Variants in SLC7A11 observed in about 807,000 individuals in gnomAD.
The protein encoded by SLC7A11 is solute carrier family 7 member 11, also known as cystine/glutamate transporter.
Under a neutral mutation model 54.5 loss-of-function variants are expected in SLC7A11, and 35 were observed. The observed-to-expected ratio is 0.64, with a 90% confidence interval of 0.49 to 0.85. The LOEUF is 0.85. Among genes scored for constraint, SLC7A11 ranks in the 40% least tolerant of loss-of-function variants. The pLI, the probability that SLC7A11 is intolerant of heterozygous loss-of-function variation, is 0.00. For synonymous variants in SLC7A11, 230 were observed against 225.2 expected (o/e 1.02, Z -0.19); for missense variants, 583 against 618.1 (o/e 0.94, Z 0.60).
intron 11 of SLC7A11, among the ~76,000 whole-genome samples, chr4:138,178,953 G>A (rs1736649269): frequency 6.6e-6 from 1 of 152,114 alleles, no homozygotes; most frequent in Middle Eastern, 3.2e-3. Context: ...GTCGATTAGA[G>A]AACTACTGAT....
At chr4:138,176,114 T>C (rs1736564853) in intron 11 of SLC7A11, 1 of 152,126 alleles carries the variant, frequency 6.6e-6, no homozygotes, top group African/African-American at 2.4e-5. Context: ...GTGAGTGTTT[T>C]GTTTTGGCCA....
rs1314533243 is a variant in SLC7A11, at chr4:138,182,295, A to G, written c.1116+2T>C. On this transcript the variant is annotated splice_donor_variant, in intron 9 of 11. Transcript: ENST00000280612. LOFTEE classifies it high-confidence loss of function. ...CTAGATATACTTGTTAATATGCATT[A>G]CCAAAACAATAACAGCTGGTAGAGG... 3 of 1,586,852 alleles carry G rather than the reference A, an allele frequency of 1.9e-6. No individual in the cohort carries two copies. In the African/African-American group the frequency reaches 4.0e-5, roughly 21 times the overall value.
intron 6 of SLC7A11, among the ~76,000 whole-genome samples, chr4:138,210,086 G>T (rs1484019473): frequency 6.6e-6 from 1 of 151,714 alleles, no homozygotes; most frequent in African/African-American, 2.4e-5. Flanking sequence ...CAGAAATAAA[G>T]TCACACACCT....
At chr4:138,212,331 C>T (rs922915256) in intron 6 of SLC7A11, among the ~76,000 whole-genome samples, 2 of 151,706 alleles carry the variant, frequency 1.3e-5, no homozygotes, top group Admixed American at 6.6e-5. Context: ...TTACCTTGCT[C>T]TAATAAAGTA....
In SLC7A11 at chr4:138,167,991, G is replaced by C. The variant is rs1275442378; in HGVS notation, c.*3965C>G. On this transcript the variant is annotated 3_prime_UTR_variant, in exon 12 of 12. Transcript: ENST00000280612. ...ATCACATCATATATATTGTGAGAAA[G>C]TCACTTGTTATATATGGATATTTCA... 1.3e-5 allele frequency: 2 copies of C among 152,068 alleles called. No homozygotes were observed. The highest frequency in any genetic ancestry group is 4.8e-5 in the African/African-American group (2 of 41,406). 9.4% of individuals were successfully genotyped at this position (152,068 alleles called of 1,614,324 possible). A position where few individuals can be genotyped will look rare whatever the true frequency, so the allele number is the denominator to read the frequency against.
In SLC7A11 at chr4:138,167,217, T is replaced by C. The variant is rs1736287059; in HGVS notation, c.*4739A>G. 6.8e-6 allele frequency: 1 copy of C among 146,248 alleles called. No individual in the cohort carries two copies. The highest frequency in any genetic ancestry group is 2.2e-4 in the South Asian group (1 of 4,568). 9.1% of individuals were successfully genotyped at this position (146,248 alleles called of 1,614,324 possible). ...CCTAGGCTGGAGTGCAATGATGCGA[T>C]CTTGGCTAACTGCAGCTTCTGCCCC... On this transcript the variant is annotated 3_prime_UTR_variant, in exon 12 of 12. Coordinates refer to ENST00000280612, the MANE Select transcript of SLC7A11 (RefSeq NM_014331.4).
At chr4:138,195,227 G>T (rs191165404) in intron 6 of SLC7A11, among the ~76,000 whole-genome samples, 4 of 152,288 alleles carry the variant, frequency 2.6e-5, no homozygotes, top group East Asian at 1.9e-4. Context: ...CCTCTGGACG[G>T]TCACATACAT....
intron 3 of SLC7A11, among the ~76,000 whole-genome samples, chr4:138,225,962 CTA>C (rs1737938509): frequency 6.6e-6 from 1 of 151,904 alleles, no homozygotes; most frequent in African/African-American, 2.4e-5. Flanking sequence ...GAACAACTAA[CTA>C]TATGTTTGAA....
rs1736325755 is a variant in SLC7A11, at chr4:138,168,488, T to C, written c.*3468A>G. The C allele has an allele frequency of 6.6e-6, 1 of 152,186 alleles. No individual in the cohort carries two copies. The allele number at this position is 152,186 out of a possible 1,614,324, so 9.4% of individuals were successfully genotyped here. A position where few individuals can be genotyped will look rare whatever the true frequency, so the allele number is the denominator to read the frequency against. On this transcript the variant is annotated 3_prime_UTR_variant, in exon 12 of 12. Transcript: ENST00000280612. Reference sequence around the variant, plus strand: ...CAGTATATTCATCTGCAAATCAAGATAAAATAATGATTTTCCTGTAGACTG... The same window carrying C: ...CAGTATATTCATCTGCAAATCAAGACAAAATAATGATTTTCCTGTAGACTG...
intron 11 of SLC7A11, among the ~76,000 whole-genome samples, chr4:138,172,588 C>A (rs960825296): frequency 6.6e-6 from 1 of 152,142 alleles, no homozygotes; most frequent in South Asian, 2.1e-4. Context: ...AGAAATGCAT[C>A]TTTTCAAGCT....
Position 138,242,097 on chromosome 4 carries a change from A to G in SLC7A11, c.-28T>C, listed in dbSNP as rs746584616. 3 of 1,606,626 alleles carry G rather than the reference A, an allele frequency of 1.9e-6. No individual in the cohort carries two copies. The highest frequency in any genetic ancestry group is 2.2e-5 in the South Asian group (2 of 90,564). ...TAGGGACACACGGGGGAAAAATAAA[A>G]CAGAGGGAAAGAAAACAAAACTTTC... On this transcript the variant is annotated 5_prime_UTR_variant, in exon 1 of 12. Transcript: ENST00000280612.
chr4:138,168,960 T>C lies in SLC7A11; in HGVS notation c.*2996A>G, dbSNP rs1736339232. On this transcript the variant is annotated 3_prime_UTR_variant, in exon 12 of 12. Coordinates refer to ENST00000280612, the MANE Select transcript of SLC7A11 (RefSeq NM_014331.4). The stretch of plus-strand genomic sequence containing the variant: ...ATTTATAATTGTGTAAGGAGAATCA[T>C]TCTTTTTAAAATCAAGTTGTGTTTT... 1 of 152,204 alleles carries C rather than the reference T, an allele frequency of 6.6e-6. No individual in the cohort carries two copies. Among genetic ancestry groups the C allele is most frequent in the Non-Finnish European group, 1.5e-5 (1 of 68,038 alleles). 9.4% of individuals were successfully genotyped at this position (152,204 alleles called of 1,614,324 possible).
chr4:138,229,449 A>G (rs1397823197), intron 3 of SLC7A11, among the ~76,000 whole-genome samples: 1 of 152,202 alleles, frequency 6.6e-6, no homozygotes, highest in Non-Finnish European at 1.5e-5. Flanking sequence ...ATGGGTACAC[A>G]TTTCTTTCTC....
chr4:138,226,670 T>C (rs1038740116), intron 3 of SLC7A11, among the ~76,000 whole-genome samples: 1 of 152,178 alleles, frequency 6.6e-6, no homozygotes, highest in African/African-American at 2.4e-5. Flanking sequence ...TCCAACAATA[T>C]TGAAAAGGGA....
At chr4:138,209,932 G>A (rs1244546359) in intron 6 of SLC7A11, among the ~76,000 whole-genome samples, 1 of 151,538 alleles carries the variant, frequency 6.6e-6, no homozygotes, top group Admixed American at 6.6e-5. Context: ...GCCTAAATAG[G>A]CAAAGCAACC....
chr4:138,198,063 T>C (rs1297525216), intron 6 of SLC7A11, among the ~76,000 whole-genome samples: 1 of 150,370 alleles, frequency 6.7e-6, no homozygotes, highest in African/African-American at 2.4e-5. Flanking sequence ...TGGGGGAAAG[T>C]CAAGAGCCTA....
intron 5 of SLC7A11, among the ~76,000 whole-genome samples, chr4:138,218,252 T>A (rs1202329011): frequency 6.6e-6 from 1 of 152,208 alleles, no homozygotes; most frequent in African/African-American, 2.4e-5. Context: ...TGGAAATGCA[T>A]TCATATAATT....
At chr4:138,236,843 C>T (rs1738219244) in intron 1 of SLC7A11, among the ~76,000 whole-genome samples, 1 of 151,998 alleles carries the variant, frequency 6.6e-6, no homozygotes, top group African/African-American at 2.4e-5. Flanking sequence ...GGCATTAGTC[C>T]AAATGTTTGA....
At chr4:138,213,166 G>T (rs1342176017) in intron 6 of SLC7A11, among the ~76,000 whole-genome samples, 10 of 151,868 alleles carry the variant, frequency 6.6e-5, no homozygotes, top group Non-Finnish European at 1.2e-4. Context: ...ACTAGCTCTT[G>T]GTAAATATGT....
Sources: allele counts gnomAD v4.1 joint callset (sites outside exome capture counted in the v4.1 genomes callset), GRCh38; gene constraint gnomAD v4.1.1; transcripts MANE v1.5; gene names NCBI Gene and HGNC (gene_info 2026-07-23, HGNC 2026-07-21).